The following FAM227B variants were observed in gnomAD, a reference collection of about 807,000 sequenced individuals.
The protein encoded by FAM227B is family with sequence similarity 227 member B.
FAM227B carries 88 observed loss-of-function variants against 73.8 expected under a neutral mutation model. The ratio of observed to expected loss-of-function variants is 1.19; its 90% CI spans 1.00 to 1.42. The LOEUF (loss-of-function observed/expected upper bound fraction) is 1.42. FAM227B is among the 40% of genes most tolerant of loss of function. The probability of loss-of-function intolerance (pLI) is 0.00; values close to 1 mark genes in which losing one functional copy is unlikely to be tolerated. For synonymous variants in FAM227B, 210 were observed against 190.5 expected, an observed-to-expected ratio of 1.10 and a Z score of -0.84; for missense variants, 632 against 590.9, an observed-to-expected ratio of 1.07 and a Z score of -0.72.
At chr15:49,409,036 A>G (rs2151673632) in intron 11 of FAM227B, among the ~76,000 whole-genome samples, 1 of 152,182 alleles carries the variant, frequency 6.6e-6, no homozygotes, top group East Asian at 1.9e-4. Flanking sequence ...CTTCACTTTG[A>G]TCTTTCTTCT....
At chr15:49,403,283 A>C (rs2151643086) in intron 11 of FAM227B, among the ~76,000 whole-genome samples, 1 of 152,306 alleles carries the variant, frequency 6.6e-6, no homozygotes, top group African/African-American at 2.4e-5. Flanking sequence ...GGCCTCACAG[A>C]ATGAGCTAGG....
intron 13 of FAM227B, among the ~76,000 whole-genome samples, chr15:49,347,946 G>A (rs537315110): frequency 8.7e-5 from 13 of 149,982 alleles, no homozygotes; most frequent in Non-Finnish European, 1.9e-4. Flanking sequence ...TTGATCTTGG[G>A]AGGTGGAGGC....
intron 11 of FAM227B, among the ~76,000 whole-genome samples, chr15:49,421,696 T>C (rs531287776): frequency 5.3e-4 from 80 of 152,362 alleles, no homozygotes; most frequent in African/African-American, 1.9e-3. Context: ...GTAAACTTAC[T>C]ATTGATAACT....
intron 10 of FAM227B, among the ~76,000 whole-genome samples, chr15:49,511,144 T>C (rs569253249): frequency 6.6e-6 from 1 of 152,262 alleles, no homozygotes; most frequent in Admixed American, 6.5e-5. Context: ...TTGCTTTCTC[T>C]CTGTTTTCTC....
chr15:49,341,439 T>C (rs1340912159), intron 13 of FAM227B, among the ~76,000 whole-genome samples: 1 of 152,194 alleles, frequency 6.6e-6, no homozygotes, highest in African/African-American at 2.4e-5. Context: ...TCCACAGAAT[T>C]TTCTAGTTTT....
intron 11 of FAM227B, among the ~76,000 whole-genome samples, chr15:49,379,626 C>T (rs1199911613): frequency 6.6e-6 from 1 of 152,134 alleles, no homozygotes; most frequent in Non-Finnish European, 1.5e-5. Context: ...GTATTGCTTC[C>T]TTTTTCATTT....
At chr15:49,355,947 A>G (rs2043085266) in intron 13 of FAM227B, among the ~76,000 whole-genome samples, 1 of 151,480 alleles carries the variant, frequency 6.6e-6, no homozygotes. Flanking sequence ...AACATTCTTA[A>G]AGAAAAGAAT....
Position 49,329,754 on chromosome 15 carries a change from C to T in FAM227B, c.1420-1079G>A, listed in dbSNP as rs1259936974. 4.1e-6 allele frequency: 4 copies of T among 970,754 alleles called. No individual in the cohort carries two copies. In the African/African-American group the frequency reaches 5.3e-5, roughly 13 times the overall value. The allele number at this position is 970,754 out of a possible 1,614,324, so 60.1% of individuals were successfully genotyped here. ...TATTTTTTAATACCGTGCCATTTTC[C>T]ACAAAGGATTTGTGGTTGGTATATA... On this transcript the variant is annotated intron_variant, in intron 15 of 15. Transcript: ENST00000299338.
Position 49,371,395 on chromosome 15 carries a change from G to A in FAM227B, c.1017C>T (p.Ile339=), listed in dbSNP as rs145082626. Residue 339 remains isoleucine (I), a synonymous_variant, in exon 12 of 16, where the codon ATC becomes ATT. Coordinates refer to ENST00000299338, the MANE Select transcript of FAM227B (RefSeq NM_152647.3). Reference sequence around the variant, plus strand: ...TCAGAATCTTTATAATATTGAAGTCGATACCTAAAACAGAAAATAAAATAC... The same window carrying A: ...TCAGAATCTTTATAATATTGAAGTCAATACCTAAAACAGAAAATAAAATAC... ...ADSQEHISTS[I]DFNIIKILNN... 12 of 1,534,584 alleles carry A rather than the reference G, an allele frequency of 7.8e-6. No homozygotes were observed. Among genetic ancestry groups the A allele is most frequent in the Admixed American group, 3.7e-5 (2 of 53,714 alleles).
chr15:49,620,806 C>A lies in FAM227B; in HGVS notation c.-179G>T, dbSNP rs1397910403. ...AAAGGCTGCGAGGCTTGAGGCGGGTCCCGGACGAACGCGGCCCTGCCCCTC... is the reference window on the plus strand; with the variant it reads ...AAAGGCTGCGAGGCTTGAGGCGGGTACCGGACGAACGCGGCCCTGCCCCTC... On this transcript the variant is annotated 5_prime_UTR_variant, in exon 1 of 16. Coordinates refer to ENST00000299338, the MANE Select transcript of FAM227B (RefSeq NM_152647.3). 6.6e-6 allele frequency: 1 copy of A among 152,202 alleles called. No homozygotes were observed. The highest frequency in any genetic ancestry group is 1.5e-5 in the Non-Finnish European group (1 of 68,026). 9.4% of individuals were successfully genotyped at this position (152,202 alleles called of 1,614,324 possible). A position where few individuals can be genotyped will look rare whatever the true frequency, so the allele number is the denominator to read the frequency against.
At chr15:49,487,765 T>C (rs2056525396) in intron 11 of FAM227B, 1 of 151,922 alleles carries the variant, frequency 6.6e-6, no homozygotes, top group Non-Finnish European at 1.5e-5. Context: ...TTAAGACTCA[T>C]GTGATTTTTG....
chr15:49,576,031 T>C (rs769168798), intron 7 of FAM227B: 1 of 152,188 alleles, frequency 6.6e-6, no homozygotes, highest in Non-Finnish European at 1.5e-5. Flanking sequence ...AAAAAGGACA[T>C]CATATAAACT....
intron 11 of FAM227B, among the ~76,000 whole-genome samples, chr15:49,456,496 A>C (rs1017837993): frequency 6.6e-6 from 1 of 152,146 alleles, no homozygotes; most frequent in African/African-American, 2.4e-5. Flanking sequence ...CCATTTATTC[A>C]ATAAATTCAG....
chr15:49,411,390 C>A (rs2048864438), intron 11 of FAM227B, among the ~76,000 whole-genome samples: 1 of 152,046 alleles, frequency 6.6e-6, no homozygotes, highest in African/African-American at 2.4e-5. Context: ...TTATATATTT[C>A]ATTCTTTCTT....
intron 13 of FAM227B, among the ~76,000 whole-genome samples, chr15:49,342,619 T>C (rs2040904599): frequency 6.6e-6 from 1 of 152,204 alleles, no homozygotes; most frequent in African/African-American, 2.4e-5. Flanking sequence ...CATTGGTTTA[T>C]AGTATCTGTG....
rs559198847 is a variant in FAM227B, at chr15:49,346,092, G to GCTGC, written c.1272-10600_1272-10597dup. Among the ~76,000 whole-genome samples, 139 of 149,786 alleles carry GCTGC rather than the reference G, an allele frequency of 9.3e-4. 5 individuals carry two copies. The South Asian group carries it at 0.028, about 30-fold the overall frequency. ...CTTTTTCCATGAAGCTGAAAGCCAT[G>GCTGC]CTGCTGAACACGAAACTTAACCTTT... On this transcript the variant is annotated intron_variant, in intron 13 of 15. Transcript: ENST00000299338.
chr15:49,527,479 T>C (rs549480969), intron 10 of FAM227B, among the ~76,000 whole-genome samples: 76 of 152,052 alleles, frequency 5.0e-4, no homozygotes, highest in Non-Finnish European at 9.1e-4. Flanking sequence ...TTACCACTCC[T>C]ATTCAACACT....
At chr15:49,556,212 CAATCTTT>C (rs1207766029) in intron 9 of FAM227B, among the ~76,000 whole-genome samples, 9 of 151,132 alleles carry the variant, frequency 6.0e-5, no homozygotes, top group African/African-American at 2.0e-4. Flanking sequence ...GATGTTTCTT[CAATCTTT>C]AAAGTTGCTT....
intron 10 of FAM227B, among the ~76,000 whole-genome samples, chr15:49,538,253 G>A (rs1041591463): frequency 2.6e-5 from 4 of 152,146 alleles, no homozygotes; most frequent in African/African-American, 9.6e-5. Context: ...CCACCGCCAA[G>A]ACCAATCCCT....
Sources: allele counts gnomAD v4.1 joint callset (sites outside exome capture counted in the v4.1 genomes callset), GRCh38; gene constraint gnomAD v4.1.1; transcripts MANE v1.5; gene names NCBI Gene and HGNC (gene_info 2026-07-23, HGNC 2026-07-21).